PARL: variants seen among roughly 807,000 people sequenced by gnomAD.
PARL encodes the protein presenilin-associated rhomboid-like protein, mitochondrial.
PARL carries 44 observed loss-of-function variants against 51.6 expected under a neutral mutation model. The observed-to-expected ratio is 0.85, with a 90% CI of 0.67 to 1.10. PARL has a LOEUF of 1.10. Among genes scored for constraint, PARL ranks in the 50% least tolerant of loss-of-function variants. PARL has a pLI of 0.00. For synonymous variants in PARL, 172 were observed against 164.0 expected, an observed-to-expected ratio of 1.05 and a Z score of -0.37; for missense variants, 441 against 469.5, an observed-to-expected ratio of 0.94 and a Z score of 0.56.
At chr3:183,839,360 T>C (rs1469879781) in intron 7 of PARL, among the ~76,000 whole-genome samples, 2 of 152,212 alleles carry the variant, frequency 1.3e-5, no homozygotes. Flanking sequence ...AAGATTTCCA[T>C]GTGCCCAGAA....
chr3:183,861,766 G>A lies in PARL; in HGVS notation c.511+987C>T, dbSNP rs182667979. On this transcript the variant is annotated intron_variant, in intron 4 of 9. Coordinates refer to ENST00000317096, the MANE Select transcript of PARL (RefSeq NM_018622.7). ...ATAATTTTTTCTTTTCTATGCAATC[G>A]TTAAAAAACTTAAAAAAAATTTTTT... 2.4e-3 allele frequency among the ~76,000 whole-genome samples: 362 copies of A among 152,022 alleles called. 2 individuals carry two copies. The highest frequency in any genetic ancestry group is 3.9e-3 in the Non-Finnish European group (263 of 67,980).
intron 7 of PARL, among the ~76,000 whole-genome samples, chr3:183,838,006 T>TA (rs1413417262): frequency 6.7e-6 from 1 of 148,808 alleles, no homozygotes; most frequent in Non-Finnish European, 1.5e-5. Flanking sequence ...AAACATATTT[T>TA]AACAGTCCCA....
chr3:183,830,583 C>T (rs1727822642), intron 9 of PARL, among the ~76,000 whole-genome samples: 11 of 152,166 alleles, frequency 7.2e-5, no homozygotes, highest in Admixed American at 7.2e-4. Flanking sequence ...TATTTTTGCT[C>T]TGGCTTCCCC....
intron 3 of PARL, among the ~76,000 whole-genome samples, chr3:183,864,664 T>G (rs1732239808): frequency 6.6e-6 from 1 of 151,778 alleles, no homozygotes; most frequent in Non-Finnish European, 1.5e-5. Flanking sequence ...TAGTCCCAGC[T>G]ACTCCGGAGG....
intron 4 of PARL, among the ~76,000 whole-genome samples, chr3:183,853,388 C>A (rs1313639851): frequency 6.6e-6 from 1 of 152,078 alleles, no homozygotes; most frequent in Non-Finnish European, 1.5e-5. Context: ...CATGGCGAAA[C>A]CCCATCTCTA....
chr3:183,874,074 C>T (rs1733515141), intron 1 of PARL, among the ~76,000 whole-genome samples: 1 of 152,162 alleles, frequency 6.6e-6, no homozygotes, highest in South Asian at 2.1e-4. Context: ...CAACAGCATG[C>T]GCTCACTTGG....
intron 1 of PARL, among the ~76,000 whole-genome samples, chr3:183,868,946 T>A (rs1484215301): frequency 1.3e-5 from 2 of 152,098 alleles, no homozygotes; most frequent in Non-Finnish European, 2.9e-5. Flanking sequence ...TAAAAAAAAA[T>A]TTTGTTGTTT....
intron 5 of PARL, chr3:183,843,182 C>T: frequency 1.0e-6 from 1 of 983,980 alleles, no homozygotes. Flanking sequence ...CTATGCCCAG[C>T]TTAAGACATC....
At chr3:183,874,898 C>T (rs1291847839) in intron 1 of PARL, among the ~76,000 whole-genome samples, 1 of 152,258 alleles carries the variant, frequency 6.6e-6, no homozygotes, top group East Asian at 1.9e-4. Flanking sequence ...ATAGTGAGAT[C>T]CTGTCTCTAT....
At chr3:183,873,685 A>G (rs1057385958) in intron 1 of PARL, among the ~76,000 whole-genome samples, 1 of 152,212 alleles carries the variant, frequency 6.6e-6, no homozygotes, top group Non-Finnish European at 1.5e-5. Context: ...CCAACAGCTT[A>G]ATACTACACA....
intron 3 of PARL, among the ~76,000 whole-genome samples, chr3:183,865,793 GCTGAGATCCA>G (rs200728455): frequency 2.0e-5 from 3 of 152,204 alleles, no homozygotes; most frequent in East Asian, 3.9e-4. Context: ...CTTTAGTAGA[GCTGAGATCCA>G]CTGAGATCCT....
At chr3:183,863,067 A>G (rs1732026376) in intron 3 of PARL, among the ~76,000 whole-genome samples, 1 of 152,182 alleles carries the variant, frequency 6.6e-6, no homozygotes, top group African/African-American at 2.4e-5. Flanking sequence ...GACACATGAA[A>G]TGGGACAATA....
intron 1 of PARL, among the ~76,000 whole-genome samples, 197 bp from the exon 2 acceptor site, chr3:183,868,257 T>C (rs1185540865): frequency 6.6e-6 from 1 of 152,182 alleles, no homozygotes; most frequent in East Asian, 1.9e-4. Flanking sequence ...ACACACAAAC[T>C]ACAGCAACTT....
chr3:183,880,021 C>T (rs1734267915), intron 1 of PARL, among the ~76,000 whole-genome samples: 1 of 151,952 alleles, frequency 6.6e-6, no homozygotes, highest in Non-Finnish European at 1.5e-5. Flanking sequence ...CAGGAGTGAG[C>T]CACTGCACCC....
At chr3:183,844,957 T>C (rs1035561222) in intron 4 of PARL, among the ~76,000 whole-genome samples, 1 of 152,246 alleles carries the variant, frequency 6.6e-6, no homozygotes, top group Non-Finnish European at 1.5e-5. Flanking sequence ...TTGAGGTTTA[T>C]TCGATAATAT....
At chr3:183,832,602 G>A (rs898465777) in intron 9 of PARL, among the ~76,000 whole-genome samples, 1 of 152,158 alleles carries the variant, frequency 6.6e-6, no homozygotes, top group African/African-American at 2.4e-5. Context: ...AAGGGCAAAA[G>A]GCAACATTTA....
chr3:183,829,218 G>A (rs1179674759), downstream of PARL: 1 of 296,236 alleles, frequency 3.4e-6, no homozygotes, highest in Non-Finnish European at 6.4e-6. Flanking sequence ...GGGAGGCAAG[G>A]AAGAGTGAAG....
chr3:183,842,211 A>C, intron 6 of PARL, 87 bp downstream of exon 6: 1 of 1,246,058 alleles, frequency 8.0e-7, no homozygotes, highest in Non-Finnish European at 1.2e-6. Context: ...TACGTGTAGA[A>C]TATGGCAGTA....
At chr3:183,849,869 C>T (rs1730363280) in intron 4 of PARL, among the ~76,000 whole-genome samples, 1 of 152,002 alleles carries the variant, frequency 6.6e-6, no homozygotes, top group Non-Finnish European at 1.5e-5. Flanking sequence ...TTACTACGAA[C>T]CTTATAGAAA....
Sources: gnomAD v4.1 joint callset for allele counts (sites outside exome capture counted in the v4.1 genomes callset) on GRCh38, gnomAD v4.1.1 for gene constraint, MANE v1.5 for transcripts, NCBI Gene and HGNC (gene_info 2026-07-23, HGNC 2026-07-21) for gene names.